ARHGAP24: variants seen among roughly 807,000 people sequenced by gnomAD.
ARHGAP24 encodes Rho GTPase activating protein 24.
A neutral mutation model predicts 76.4 loss-of-function variants in ARHGAP24; 50 were observed. The observed-to-expected ratio is 0.65, with a 90% CI of 0.52 to 0.83. The LOEUF (loss-of-function observed/expected upper bound fraction) is 0.83, where lower values mean the gene tolerates loss of function less well. Ranked by LOEUF, ARHGAP24 falls within the 40% of genes least tolerant of loss-of-function variation. The probability of loss-of-function intolerance (pLI) is 0.00; values close to 1 mark genes in which losing one functional copy is unlikely to be tolerated. For synonymous variants in ARHGAP24, 345 were observed against 323.3 expected (o/e 1.07, Z -0.72); for missense variants, 930 against 914.2 (o/e 1.02, Z -0.22).
chr4:85,871,705 T>C (rs760124895), intron 3 of ARHGAP24, among the ~76,000 whole-genome samples: 1 of 152,180 alleles, frequency 6.6e-6, no homozygotes, highest in Non-Finnish European at 1.5e-5. Flanking sequence ...AGCACATTGA[T>C]GTAGCAGAAC....
At chr4:85,602,920 A>C (rs1191503100) in intron 2 of ARHGAP24, among the ~76,000 whole-genome samples, 2 of 152,226 alleles carry the variant, frequency 1.3e-5, no homozygotes, top group Non-Finnish European at 2.9e-5. Flanking sequence ...TTTTTGATTA[A>C]TCATGATTAC....
intron 2 of ARHGAP24, among the ~76,000 whole-genome samples, chr4:85,644,589 T>C (rs1721653307): frequency 6.6e-6 from 1 of 152,156 alleles, no homozygotes; most frequent in Non-Finnish European, 1.5e-5. Context: ...TGATGGAATA[T>C]ATCATGTTAA....
intron 1 of ARHGAP24, among the ~76,000 whole-genome samples, chr4:85,486,088 G>C (rs1173124987): frequency 1.3e-5 from 2 of 152,018 alleles, no homozygotes; most frequent in Non-Finnish European, 2.9e-5. Context: ...GCAGAACTCT[G>C]AAAAATGGGT....
intron 2 of ARHGAP24, among the ~76,000 whole-genome samples, chr4:85,632,910 T>G (rs1721203234): frequency 6.6e-6 from 1 of 151,982 alleles, no homozygotes; most frequent in African/African-American, 2.4e-5. Flanking sequence ...ACAGTATTAT[T>G]TACTTAGACT....
intron 3 of ARHGAP24, among the ~76,000 whole-genome samples, chr4:85,887,045 T>C (rs559455053): frequency 2.0e-4 from 31 of 152,270 alleles, no homozygotes; most frequent in Non-Finnish European, 3.8e-4. Flanking sequence ...AGTTACGATA[T>C]GGCAAATGTA....
chr4:85,848,947 T>C (rs1465077862), intron 3 of ARHGAP24, among the ~76,000 whole-genome samples: 1 of 152,058 alleles, frequency 6.6e-6, no homozygotes, highest in African/African-American at 2.4e-5. Context: ...TTTGGTTCCA[T>C]ATGAACTTTA....
At chr4:85,793,345 C>T (rs1728210949) in intron 3 of ARHGAP24, among the ~76,000 whole-genome samples, 1 of 152,116 alleles carries the variant, frequency 6.6e-6, no homozygotes, top group African/African-American at 2.4e-5. Flanking sequence ...TCTTTTGCTT[C>T]TAGATCTTAA....
At chr4:85,693,160 T>A (rs1215625737) in intron 2 of ARHGAP24, among the ~76,000 whole-genome samples, 1 of 152,196 alleles carries the variant, frequency 6.6e-6, no homozygotes, top group Non-Finnish European at 1.5e-5. Context: ...GCAGCTGGGC[T>A]GCTCCTCTGT....
At chr4:85,734,636 ATTTTTTTT>A (rs34647342) in intron 3 of ARHGAP24, among the ~76,000 whole-genome samples, 32 of 101,966 alleles carry the variant, frequency 3.1e-4, no homozygotes, top group African/African-American at 1.0e-3. Context: ...AATTCAGGGA[ATTTTTTTT>A]TTTTTTTTTT....
chr4:85,838,080 A>G (rs552233979), intron 3 of ARHGAP24, among the ~76,000 whole-genome samples: 97 of 152,252 alleles, frequency 6.4e-4, no homozygotes, highest in African/African-American at 1.8e-3. Context: ...GGTGCCAGCC[A>G]CTCTCCTAAG....
intron 2 of ARHGAP24, among the ~76,000 whole-genome samples, chr4:85,640,446 T>C (rs1360217749): frequency 6.6e-6 from 1 of 152,224 alleles, no homozygotes; most frequent in Non-Finnish European, 1.5e-5. Flanking sequence ...ACAATCTGTC[T>C]TTCCAATGGC....
At chr4:85,861,675 G>C (rs983783009) in intron 3 of ARHGAP24, among the ~76,000 whole-genome samples, 1 of 151,966 alleles carries the variant, frequency 6.6e-6, no homozygotes, top group African/African-American at 2.4e-5. Flanking sequence ...AAATATTTTT[G>C]ATGTTTTATT....
chr4:85,543,600 A>T (rs1401490229), intron 1 of ARHGAP24, among the ~76,000 whole-genome samples: 1 of 152,202 alleles, frequency 6.6e-6, no homozygotes, highest in Non-Finnish European at 1.5e-5. Context: ...ATGGCTTCTG[A>T]ATCTTAAATC....
intron 2 of ARHGAP24, among the ~76,000 whole-genome samples, chr4:85,687,674 A>T (rs1723477735): frequency 6.6e-6 from 1 of 152,114 alleles, no homozygotes; most frequent in Admixed American, 6.5e-5. Flanking sequence ...ATGGACACCT[A>T]GATTGATTCC....
chr4:85,601,758 A>C (rs1720036662), intron 2 of ARHGAP24, among the ~76,000 whole-genome samples: 1 of 152,030 alleles, frequency 6.6e-6, no homozygotes, highest in South Asian at 2.1e-4. Context: ...ATTATAGTAT[A>C]TTTTATCAAG....
chr4:86,000,742 C>G lies in ARHGAP24; in HGVS notation c.*20C>G. ...CAGTGAGCCTGCTTTCGCCTGCTGT[C>G]TCTGATGGCTCTGGCAAGGACTCCA... is the stretch of plus-strand genomic sequence containing the variant. On this transcript the variant is annotated 3_prime_UTR_variant, in exon 10 of 10. Transcript: ENST00000395184. 1 of 1,613,214 alleles carries G rather than the reference C, an allele frequency of 6.2e-7. No homozygotes were observed. The highest frequency in any genetic ancestry group is 8.5e-7 in the Non-Finnish European group (1 of 1,179,496).
intron 1 of ARHGAP24, among the ~76,000 whole-genome samples, chr4:85,539,869 C>T (rs758807044): frequency 5.3e-5 from 8 of 151,972 alleles, no homozygotes; most frequent in Non-Finnish European, 1.2e-4. Context: ...AGCCTGCCAA[C>T]ATTGTGAACC....
At chr4:85,881,787 TC>T (rs1733268021) in intron 3 of ARHGAP24, among the ~76,000 whole-genome samples, 1 of 152,192 alleles carries the variant, frequency 6.6e-6, no homozygotes, top group African/African-American at 2.4e-5. Flanking sequence ...CAGCTCCTGT[TC>T]CCTTTGGTCC....
At chr4:85,997,545 A>G (rs970681880) in intron 9 of ARHGAP24, among the ~76,000 whole-genome samples, 1 of 152,166 alleles carries the variant, frequency 6.6e-6, no homozygotes, top group Non-Finnish European at 1.5e-5. Context: ...AGACAGATAG[A>G]TAATATTTTA....
Sources: gnomAD v4.1 joint callset for allele counts (sites outside exome capture counted in the v4.1 genomes callset) on GRCh38, gnomAD v4.1.1 for gene constraint, MANE v1.5 for transcripts, NCBI Gene and HGNC (gene_info 2026-07-23, HGNC 2026-07-21) for gene names.